Variants in TAFA2 observed in about 807,000 individuals in gnomAD.
TAFA2 encodes TAFA chemokine like family member 2.
Under a neutral mutation model 18.8 loss-of-function variants are expected in TAFA2, and 7 were observed. The observed-to-expected ratio is 0.37, with a 90% CI of 0.21 to 0.70. The LOEUF (loss-of-function observed/expected upper bound fraction) is 0.70, where lower values mean the gene tolerates loss of function less well. Ranked by LOEUF, TAFA2 falls within the 30% of genes least tolerant of loss-of-function variation. The pLI is 0.53. For synonymous variants in TAFA2, 60 were observed against 54.2 expected, an observed-to-expected ratio of 1.11 and a Z score of -0.47; for missense variants, 122 against 158.1, an observed-to-expected ratio of 0.77 and a Z score of 1.23.
intron 1 of TAFA2, among the ~76,000 whole-genome samples, chr12:61,976,986 A>C (rs919172278): frequency 6.6e-6 from 1 of 152,046 alleles, no homozygotes; most frequent in African/African-American, 2.4e-5. Flanking sequence ...ATAAACATAC[A>C]TGTGCATGTG....
intron 1 of TAFA2, among the ~76,000 whole-genome samples, chr12:62,165,685 G>T (rs749746653): frequency 1.5e-4 from 23 of 151,980 alleles, no homozygotes; most frequent in Admixed American, 1.1e-3. Context: ...TAAGTAATCT[G>T]CCACAAATTC....
chr12:62,064,805 G>C (rs1006772730), intron 1 of TAFA2, among the ~76,000 whole-genome samples: 2 of 151,918 alleles, frequency 1.3e-5, no homozygotes. Context: ...GTCAGTAATA[G>C]CTTCCAAATG....
chr12:62,146,345 A>C (rs529996969), intron 1 of TAFA2, among the ~76,000 whole-genome samples: 2 of 136,828 alleles, frequency 1.5e-5, no homozygotes, highest in Admixed American at 1.7e-4. Context: ...GTGCAGTGGC[A>C]CAATCTTGGC....
intron 1 of TAFA2, among the ~76,000 whole-genome samples, chr12:62,152,697 G>A (rs1485242679): frequency 2.6e-5 from 4 of 152,204 alleles, no homozygotes; most frequent in Non-Finnish European, 5.9e-5. Flanking sequence ...CACAGCTGCA[G>A]CTACTTGCAT....
intron 1 of TAFA2, among the ~76,000 whole-genome samples, chr12:62,226,271 G>A (rs930741250): frequency 6.7e-6 from 1 of 150,228 alleles, no homozygotes; most frequent in African/African-American, 2.5e-5. Flanking sequence ...TCCGCTCACT[G>A]CAAGCTCCAC....
intron 1 of TAFA2, among the ~76,000 whole-genome samples, chr12:62,205,453 G>A (rs948658462): frequency 2.6e-5 from 4 of 152,234 alleles, no homozygotes; most frequent in Admixed American, 6.5e-5. Context: ...CTGACCCAGA[G>A]AGACTTTGGC....
intron 1 of TAFA2, among the ~76,000 whole-genome samples, chr12:62,238,068 T>A (rs995845546): frequency 6.6e-6 from 1 of 152,186 alleles, no homozygotes; most frequent in African/African-American, 2.4e-5. Flanking sequence ...ATGCTTCCCA[T>A]GAAATAAAGC....
Position 61,893,784 on chromosome 12 carries a change from A to G in TAFA2, c.-1-26358T>C, listed in dbSNP as rs538966737. Among the ~76,000 whole-genome samples, 105 of 152,352 alleles carry G rather than the reference A, an allele frequency of 6.9e-4. 1 individual carries two copies. The highest frequency in any genetic ancestry group is 2.5e-3 in the African/African-American group (103 of 41,592). On this transcript the variant is annotated intron_variant, in intron 1 of 4. Coordinates refer to ENST00000416284, the MANE Select transcript of TAFA2 (RefSeq NM_178539.5). Reference sequence around the variant, plus strand: ...TATATACTCACATAAACAAATATAGACATATTCAAAATTAGTTGTTTCAAG... The same window carrying G: ...TATATACTCACATAAACAAATATAGGCATATTCAAAATTAGTTGTTTCAAG...
intron 1 of TAFA2, among the ~76,000 whole-genome samples, chr12:61,975,025 A>AT (rs11379787): frequency 0.36 from 54,565 of 150,666 alleles, 10,800 homozygotes; most frequent in Non-Finnish European, 0.44. Flanking sequence ...GAACCAATAG[A>AT]TTTTTTTTTA....
intron 1 of TAFA2, among the ~76,000 whole-genome samples, chr12:62,079,495 A>C (rs1352415547): frequency 6.7e-6 from 1 of 148,844 alleles, no homozygotes; most frequent in Non-Finnish European, 1.5e-5. Context: ...TCTACTAAAA[A>C]TACAAAAAAA....
chr12:61,751,070 G>A (rs1399600484), intron 4 of TAFA2, among the ~76,000 whole-genome samples: 2 of 152,048 alleles, frequency 1.3e-5, no homozygotes, highest in Non-Finnish European at 2.9e-5. Context: ...ATTTATGCAT[G>A]ATGGAAACAC....
chr12:61,825,720 CTCTAG>C (rs946664142), intron 2 of TAFA2, among the ~76,000 whole-genome samples: 2 of 151,744 alleles, frequency 1.3e-5, no homozygotes, highest in African/African-American at 4.8e-5. Context: ...AAAAGAGGAG[CTCTAG>C]TCTAAGTATT....
At chr12:61,881,976 C>T (rs1875163647) in intron 1 of TAFA2, among the ~76,000 whole-genome samples, 1 of 151,880 alleles carries the variant, frequency 6.6e-6, no homozygotes, top group Admixed American at 6.6e-5. Context: ...TGGTTATCTT[C>T]TCTGTGCTTC....
At chr12:62,222,396 T>C (rs1476955486) in intron 1 of TAFA2, among the ~76,000 whole-genome samples, 1 of 152,186 alleles carries the variant, frequency 6.6e-6, no homozygotes, top group Non-Finnish European at 1.5e-5. Context: ...AGCTTAATGA[T>C]AGACTTTTTT....
intron 1 of TAFA2, among the ~76,000 whole-genome samples, chr12:62,247,912 CTG>C (rs111599698): frequency 0.1 from 15,367 of 152,134 alleles, 968 homozygotes; most frequent in East Asian, 0.21. Flanking sequence ...ATTAGAAAGA[CTG>C]TTTCTTTTTT....
chr12:61,936,585 CAAATAAATAAAT>C (rs59196910), intron 1 of TAFA2, among the ~76,000 whole-genome samples: 16 of 150,818 alleles, frequency 1.1e-4, no homozygotes, highest in Admixed American at 9.3e-4. Flanking sequence ...CATAAAAATA[CAAATAAATAAAT>C]AAATAAATAA....
At chr12:62,004,980 A>C (rs1002374606) in intron 1 of TAFA2, among the ~76,000 whole-genome samples, 4 of 152,150 alleles carry the variant, frequency 2.6e-5, no homozygotes, top group African/African-American at 9.6e-5. Context: ...TTTTAAAGTC[A>C]AATACATAAA....
intron 1 of TAFA2, among the ~76,000 whole-genome samples, chr12:61,948,430 T>G (rs1434007617): frequency 2.6e-5 from 4 of 152,146 alleles, no homozygotes; most frequent in Non-Finnish European, 4.4e-5. Flanking sequence ...AGGTAAATGT[T>G]GTTCATAGAA....
At chr12:61,759,596 T>A (rs777861802) in intron 2 of TAFA2, among the ~76,000 whole-genome samples, 4 of 151,958 alleles carry the variant, frequency 2.6e-5, no homozygotes, top group Non-Finnish European at 4.4e-5. Flanking sequence ...AAAATTAGGA[T>A]GTTCTTTGTT....
Sources: allele counts gnomAD v4.1 joint callset (sites outside exome capture counted in the v4.1 genomes callset), GRCh38; gene constraint gnomAD v4.1.1; transcripts MANE v1.5; gene names NCBI Gene and HGNC (gene_info 2026-07-23, HGNC 2026-07-21).